MALRD1: variants seen among roughly 807,000 people sequenced by gnomAD.
MALRD1 encodes the protein MAM and LDL receptor class A domain containing 1.
Under a neutral mutation model 242.1 loss-of-function variants are expected in MALRD1, and 247 were observed. The ratio of observed to expected loss-of-function variants is 1.02; its 90% CI spans 0.92 to 1.13. The LOEUF is 1.13. MALRD1 is among the 50% of genes most tolerant of loss of function. The pLI, the probability that MALRD1 is intolerant of heterozygous loss-of-function variation, is 0.00. For synonymous variants in MALRD1, 995 were observed against 866.6 expected (o/e 1.15, Z -2.60); for missense variants, 2,989 against 2,533.1 (o/e 1.18, Z -3.86).
At chr10:19,242,012 A>G (rs1270444461) in intron 18 of MALRD1, among the ~76,000 whole-genome samples, 1 of 152,140 alleles carries the variant, frequency 6.6e-6, no homozygotes, top group East Asian at 1.9e-4. Context: ...TGTACAGTTG[A>G]GAATAATTTG....
intron 2 of MALRD1, among the ~76,000 whole-genome samples, chr10:19,075,243 G>T (rs935806230): frequency 1.3e-5 from 2 of 151,868 alleles, no homozygotes; most frequent in African/African-American, 4.8e-5. Flanking sequence ...ATCTGCCCCC[G>T]TCCCCAATTT....
At chr10:19,117,031 G>A (rs1277011902) in intron 5 of MALRD1, among the ~76,000 whole-genome samples, 2 of 151,272 alleles carry the variant, frequency 1.3e-5, no homozygotes, top group African/African-American at 4.9e-5. Context: ...AGAGGCAGAG[G>A]TTGCAGTGAG....
chr10:19,647,779 C>G (rs1403176556), intron 36 of MALRD1, among the ~76,000 whole-genome samples: 3 of 152,144 alleles, frequency 2.0e-5, no homozygotes, highest in African/African-American at 7.2e-5. Flanking sequence ...TTGTTTCCAG[C>G]TATTGTGGAA....
At chr10:19,672,458 C>T (rs891498198) in intron 36 of MALRD1, among the ~76,000 whole-genome samples, 1 of 141,480 alleles carries the variant, frequency 7.1e-6, no homozygotes, top group African/African-American at 2.7e-5. Context: ...CAGTCTCTCT[C>T]TCTCACCTAG....
At chr10:19,589,971 G>C (rs994860875) in intron 33 of MALRD1, among the ~76,000 whole-genome samples, 1 of 152,078 alleles carries the variant, frequency 6.6e-6, no homozygotes, top group Non-Finnish European at 1.5e-5. Context: ...CTACTGTCAG[G>C]ACCGACCTTA....
At chr10:19,430,449 G>T (rs889203328) in intron 28 of MALRD1, among the ~76,000 whole-genome samples, 6 of 151,650 alleles carry the variant, frequency 4.0e-5, no homozygotes, top group South Asian at 2.1e-4. Flanking sequence ...CTGGTATCCT[G>T]TTCACCTTCC....
intron 18 of MALRD1, among the ~76,000 whole-genome samples, chr10:19,252,046 A>G (rs1176922481): frequency 1.3e-5 from 2 of 152,000 alleles, no homozygotes; most frequent in Non-Finnish European, 2.9e-5. Flanking sequence ...CTGTGAGTCA[A>G]TGAAACCTCT....
chr10:19,123,903 A>G (rs1373668304), intron 6 of MALRD1, among the ~76,000 whole-genome samples: 2 of 152,172 alleles, frequency 1.3e-5, no homozygotes, highest in Non-Finnish European at 2.9e-5. Flanking sequence ...GGTAAAATAT[A>G]AAGCCATTTT....
At chr10:19,559,310 G>T (rs978508848) in intron 32 of MALRD1, among the ~76,000 whole-genome samples, 1 of 151,552 alleles carries the variant, frequency 6.6e-6, no homozygotes, top group Non-Finnish European at 1.5e-5. Context: ...TTTTTTCTCA[G>T]GTAACTTGGC....
At chr10:19,697,792 T>G (rs754191027) in intron 38 of MALRD1, among the ~76,000 whole-genome samples, 1 of 152,188 alleles carries the variant, frequency 6.6e-6, no homozygotes, top group Non-Finnish European at 1.5e-5. Context: ...GCTTCTTACC[T>G]TCTTTCTTTG....
intron 36 of MALRD1, among the ~76,000 whole-genome samples, chr10:19,658,823 G>T (rs1029904464): frequency 6.6e-6 from 1 of 152,034 alleles, no homozygotes; most frequent in African/African-American, 2.4e-5. Flanking sequence ...TGAAAACCAC[G>T]CTCGGTCTCT....
chr10:19,679,680 C>T (rs1388543932), intron 36 of MALRD1, among the ~76,000 whole-genome samples: 1 of 151,654 alleles, frequency 6.6e-6, no homozygotes, highest in African/African-American at 2.4e-5. Context: ...TTGGTTATTT[C>T]TTGTCTTCTG....
chr10:19,095,971 A>G (rs970779173), intron 4 of MALRD1, among the ~76,000 whole-genome samples: 5 of 152,176 alleles, frequency 3.3e-5, no homozygotes, highest in Non-Finnish European at 5.9e-5. Flanking sequence ...AATCTTATCT[A>G]TGGGTCCACT....
chr10:19,249,219 A>G (rs78858426), intron 18 of MALRD1, among the ~76,000 whole-genome samples: 6,506 of 151,752 alleles, frequency 0.043, 189 homozygotes, highest in Middle Eastern at 0.078. Flanking sequence ...AAATGCAGGC[A>G]TAAGTTGGGG....
Position 19,595,270 on chromosome 10 carries a change from C to T in MALRD1, c.5757C>T (p.Leu1919=), listed in dbSNP as rs771355809. 6.4e-7 allele frequency: 1 copy of T among 1,550,676 alleles called. No homozygotes were observed. Among genetic ancestry groups the T allele is most frequent in the East Asian group, 2.4e-5 (1 of 40,904 alleles). The change falls in exon 34 of 40, where the codon CTC becomes CTT. Residue 1919 remains leucine (L), a synonymous_variant. Transcript: ENST00000454679. ...TCTACACACTCCAATGTGTCCCTCT[C>T]TCAGGGAAATGTGATGGACATGAAG... ...SCIYTLQCVP[L]SGKCDGHEDC...
intron 21 of MALRD1, among the ~76,000 whole-genome samples, chr10:19,286,613 A>G: frequency 6.6e-6 from 1 of 152,184 alleles, no homozygotes; most frequent in South Asian, 2.1e-4. Context: ...TCCCAAGACT[A>G]AACCAGGAAG....
chr10:19,729,682 T>G (rs1390473001), intron 38 of MALRD1, among the ~76,000 whole-genome samples: 1 of 148,460 alleles, frequency 6.7e-6, no homozygotes, highest in African/African-American at 2.5e-5. Flanking sequence ...TGTCACCAAG[T>G]AGTCCAGGGC....
intron 21 of MALRD1, among the ~76,000 whole-genome samples, chr10:19,308,726 C>T (rs193071857): frequency 2.6e-5 from 4 of 151,644 alleles, no homozygotes; most frequent in African/African-American, 7.2e-5. Context: ...TCTCCTATTA[C>T]GTTGTGAGCC....
In MALRD1 at chr10:19,389,528, A is replaced by C; in HGVS notation, c.4764A>C (p.Arg1588=). ...DKAHFRSTMW[R]ESSAACTMSF... is the part of the protein sequence containing the mutation. ...CACACTTCAGGAGTACCATGTGGCG[A>C]GAATCCAGTGCAGCCTGCACCATGA... is the stretch of plus-strand genomic sequence containing the variant. Residue 1588 remains arginine (R), a synonymous_variant, in exon 28 of 40, where the codon CGA becomes CGC. Transcript: ENST00000454679. The C allele has an allele frequency of 1.9e-6, 3 of 1,550,668 alleles. No homozygotes were observed. The highest frequency in any genetic ancestry group is 2.6e-6 in the Non-Finnish European group (3 of 1,146,964).
Sources: gnomAD v4.1 joint callset for allele counts (sites outside exome capture counted in the v4.1 genomes callset) on GRCh38, gnomAD v4.1.1 for gene constraint, MANE v1.5 for transcripts, NCBI Gene and HGNC (gene_info 2026-07-23, HGNC 2026-07-21) for gene names.